The following ELMO1 variants were observed in gnomAD, a reference collection of about 807,000 sequenced individuals.
The protein encoded by ELMO1 is engulfment and cell motility protein 1.
In ELMO1, 26 loss-of-function variants were observed where a neutral mutation model predicts 98.9. The ratio of observed to expected loss-of-function variants is 0.26; its 90% CI spans 0.19 to 0.36. The LOEUF is 0.36. ELMO1 is among the 10% of genes least tolerant of loss of function. The pLI is 1.00. For missense variants in ELMO1, 627 were observed against 935.2 expected, an observed-to-expected ratio of 0.67 and a Z score of 4.30; for synonymous variants, 346 against 346.0, an observed-to-expected ratio of 1.00 and a Z score of 0.00.
intron 15 of ELMO1, among the ~76,000 whole-genome samples, chr7:37,020,057 G>A (rs909276459): frequency 1.3e-5 from 2 of 152,198 alleles, no homozygotes; most frequent in Non-Finnish European, 2.9e-5. Context: ...GAAAACAAGG[G>A]TTACTGCACT....
chr7:37,312,475 G>T (rs1562603917), intron 4 of ELMO1, among the ~76,000 whole-genome samples: 1 of 152,128 alleles, frequency 6.6e-6, no homozygotes, highest in Non-Finnish European at 1.5e-5. Flanking sequence ...TAGAAAATAG[G>T]CCCCAGGGCT....
intron 13 of ELMO1, among the ~76,000 whole-genome samples, chr7:37,195,515 G>T (rs566313610): frequency 1.5e-4 from 23 of 152,276 alleles, no homozygotes; most frequent in Admixed American, 3.9e-4. Flanking sequence ...AAATCCACAG[G>T]CCCCTGTCTC....
intron 20 of ELMO1, among the ~76,000 whole-genome samples, chr7:36,869,527 A>C (rs557098392): frequency 1.4e-4 from 21 of 152,328 alleles, no homozygotes; most frequent in Middle Eastern, 3.4e-3. Context: ...ACTGGAAATA[A>C]AGATGCAACC....
At chr7:37,119,055 G>A (rs149053498) in intron 14 of ELMO1, among the ~76,000 whole-genome samples, 7 of 152,220 alleles carry the variant, frequency 4.6e-5, no homozygotes, top group East Asian at 1.9e-4. Flanking sequence ...CAGTTTCCTC[G>A]TCTGTAAAAT....
At chr7:36,986,115 T>C in intron 16 of ELMO1, 1 of 989,164 alleles carries the variant, frequency 1.0e-6, no homozygotes, top group Non-Finnish European at 1.2e-6. Context: ...CACCTTTAAA[T>C]GGTATACACT....
chr7:37,096,605 A>G lies in ELMO1; in HGVS notation c.1300+14T>C. The G allele has an allele frequency of 6.2e-7, 1 of 1,612,112 alleles. No homozygotes were observed. Among genetic ancestry groups the G allele is most frequent in the Non-Finnish European group, 8.5e-7 (1 of 1,178,180 alleles). On this transcript the variant is annotated intron_variant, in intron 15 of 21. Transcript: ENST00000310758. ...TGCCAGCTTCACACCCATGTGGGAAATAAGTATACTTACGCAACTCGCCCA... is the reference window on the plus strand; with the variant it reads ...TGCCAGCTTCACACCCATGTGGGAAGTAAGTATACTTACGCAACTCGCCCA...
intron 15 of ELMO1, among the ~76,000 whole-genome samples, chr7:37,079,926 A>G (rs530120847): frequency 6.6e-6 from 1 of 152,256 alleles, no homozygotes; most frequent in Middle Eastern, 3.4e-3. Context: ...CCAATTCAAA[A>G]TCATCCCCTA....
intron 13 of ELMO1, among the ~76,000 whole-genome samples, chr7:37,184,509 T>C (rs2392484): frequency 0.74 from 112,262 of 152,186 alleles, 41,622 homozygotes; most frequent in South Asian, 0.87. Flanking sequence ...CAAAAGTGAA[T>C]ACGTTGACTG....
intron 16 of ELMO1, among the ~76,000 whole-genome samples, chr7:37,010,251 C>A (rs1430684418): frequency 6.6e-6 from 1 of 152,218 alleles, no homozygotes; most frequent in East Asian, 1.9e-4. Flanking sequence ...ATCTACACAT[C>A]TAAAAACCTA....
At chr7:37,398,450 C>A (rs1264593899) in intron 1 of ELMO1, among the ~76,000 whole-genome samples, 1 of 152,312 alleles carries the variant, frequency 6.6e-6, no homozygotes, top group South Asian at 2.1e-4. Flanking sequence ...AAAGACAAGG[C>A]AACTCAGGGA....
At chr7:37,269,430 C>CTTTTTT (rs35437017) in intron 5 of ELMO1, 8 of 100,966 alleles carry the variant, frequency 7.9e-5, no homozygotes, top group Non-Finnish European at 1.0e-4. Flanking sequence ...GGGCTCCTAT[C>CTTTTTT]TTTTTTTTTT....
intron 7 of ELMO1, among the ~76,000 whole-genome samples, chr7:37,242,699 C>T (rs978148217): frequency 5.3e-5 from 8 of 152,208 alleles, no homozygotes; most frequent in Non-Finnish European, 1.0e-4. Flanking sequence ...TGCATTTGCA[C>T]TTCAGTGATC....
intron 19 of ELMO1, among the ~76,000 whole-genome samples, chr7:36,876,282 G>A (rs148944236): frequency 1.3e-5 from 2 of 152,172 alleles, no homozygotes; most frequent in African/African-American, 4.8e-5. Context: ...TAGCAGAAGG[G>A]ACTGTCTTTT....
At chr7:37,172,785 T>C (rs1186318464) in intron 13 of ELMO1, among the ~76,000 whole-genome samples, 1 of 152,178 alleles carries the variant, frequency 6.6e-6, no homozygotes, top group Admixed American at 6.5e-5. Context: ...CTTACAACAT[T>C]GAAGCTAAAA....
chr7:37,099,630 G>T (rs928898735), intron 14 of ELMO1, among the ~76,000 whole-genome samples: 1 of 152,036 alleles, frequency 6.6e-6, no homozygotes, highest in African/African-American at 2.4e-5. Flanking sequence ...TAAAAAAACT[G>T]GATATCCGTG....
intron 16 of ELMO1, among the ~76,000 whole-genome samples, chr7:36,911,651 G>C (rs1249492952): frequency 1.3e-5 from 2 of 152,168 alleles, no homozygotes; most frequent in African/African-American, 4.8e-5. Context: ...CCTTAGACCT[G>C]ATCCTGGGGT....
intron 4 of ELMO1, among the ~76,000 whole-genome samples, chr7:37,273,739 A>AGGATCACT (rs1375563604): frequency 6.6e-6 from 1 of 152,196 alleles, no homozygotes; most frequent in Non-Finnish European, 1.5e-5. Flanking sequence ...ATCTGCCTTC[A>AGGATCACT]GGATCACTAC....
intron 1 of ELMO1, among the ~76,000 whole-genome samples, chr7:37,397,521 A>C (rs1293872458): frequency 6.6e-6 from 1 of 152,128 alleles, no homozygotes; most frequent in African/African-American, 2.4e-5. Flanking sequence ...CCTCAGATCT[A>C]TTTGTCTGTG....
intron 15 of ELMO1, among the ~76,000 whole-genome samples, chr7:37,057,573 G>A (rs1796453729): frequency 6.6e-6 from 1 of 152,166 alleles, no homozygotes; most frequent in Non-Finnish European, 1.5e-5. Flanking sequence ...TCATTCAGAT[G>A]TCCCCAAGAT....
Sources: gnomAD v4.1 joint callset for allele counts (sites outside exome capture counted in the v4.1 genomes callset) on GRCh38, gnomAD v4.1.1 for gene constraint, MANE v1.5 for transcripts, NCBI Gene and HGNC (gene_info 2026-07-23, HGNC 2026-07-21) for gene names.